NEGR1: variants seen among roughly 807,000 people sequenced by gnomAD.
NEGR1 encodes the protein IgLON family member 4.
A neutral mutation model predicts 40.9 loss-of-function variants in NEGR1; 10 were observed. That is an observed-to-expected ratio of 0.24 (90% CI 0.15 to 0.42). NEGR1 has a LOEUF of 0.42. Ranked by LOEUF, NEGR1 falls within the 10% of genes least tolerant of loss-of-function variation. The probability of loss-of-function intolerance (pLI) is 1.00; values close to 1 mark genes in which losing one functional copy is unlikely to be tolerated. For missense variants in NEGR1, 352 were observed against 438.9 expected, an observed-to-expected ratio of 0.80 and a Z score of 1.77; for synonymous variants, 185 against 166.8, an observed-to-expected ratio of 1.11 and a Z score of -0.84.
At chr1:71,470,220 C>G (rs1362318786) in intron 6 of NEGR1, among the ~76,000 whole-genome samples, 1 of 151,996 alleles carries the variant, frequency 6.6e-6, no homozygotes, top group Non-Finnish European at 1.5e-5. Context: ...AGGCCCAGAC[C>G]CTATCTTTTT....
chr1:71,603,106 ACTTTT>A (rs1458603646), intron 5 of NEGR1, among the ~76,000 whole-genome samples: 1 of 152,254 alleles, frequency 6.6e-6, no homozygotes, highest in South Asian at 2.1e-4. Context: ...CAATTCAAGA[ACTTTT>A]CTTTCCTTTT....
chr1:71,800,840 A>T (rs1418681186), intron 2 of NEGR1, among the ~76,000 whole-genome samples: 1 of 152,200 alleles, frequency 6.6e-6, no homozygotes, highest in Non-Finnish European at 1.5e-5. Flanking sequence ...ATAGTTCTTC[A>T]ATCTTTAAGA....
chr1:72,094,644 A>G (rs930034346), intron 1 of NEGR1, among the ~76,000 whole-genome samples: 5 of 152,118 alleles, frequency 3.3e-5, no homozygotes, highest in African/African-American at 7.2e-5. Context: ...CCACTGTCCT[A>G]TGTTTTGCCT....
At chr1:71,858,382 A>C (rs1659845707) in intron 2 of NEGR1, among the ~76,000 whole-genome samples, 1 of 152,110 alleles carries the variant, frequency 6.6e-6, no homozygotes, top group Non-Finnish European at 1.5e-5. Flanking sequence ...CAGACTGCCT[A>C]CAGAGCAATG....
chr1:71,597,393 C>T (rs528348028), intron 5 of NEGR1, among the ~76,000 whole-genome samples: 7 of 147,816 alleles, frequency 4.7e-5, no homozygotes, highest in Non-Finnish European at 7.4e-5. Context: ...TAATGCCTTT[C>T]TCAAGGATGG....
chr1:71,879,281 T>C (rs1660519571), intron 2 of NEGR1, among the ~76,000 whole-genome samples: 1 of 152,136 alleles, frequency 6.6e-6, no homozygotes, highest in Non-Finnish European at 1.5e-5. Context: ...AAGGACCAAA[T>C]TGAGGATAAA....
intron 4 of NEGR1, among the ~76,000 whole-genome samples, chr1:71,677,448 G>A (rs1038981454): frequency 1.3e-5 from 2 of 152,100 alleles, no homozygotes; most frequent in Non-Finnish European, 2.9e-5. Flanking sequence ...TTGCATGGCT[G>A]CTTTTATTTG....
chr1:72,244,340 T>A (rs1316549899), intron 1 of NEGR1, among the ~76,000 whole-genome samples: 6 of 151,892 alleles, frequency 4.0e-5, no homozygotes, highest in African/African-American at 1.2e-4. Context: ...ATCTTTCCTA[T>A]CTATACAGGA....
intron 4 of NEGR1, among the ~76,000 whole-genome samples, chr1:71,619,646 G>T (rs1034760414): frequency 6.6e-6 from 1 of 152,074 alleles, no homozygotes; most frequent in Non-Finnish European, 1.5e-5. Flanking sequence ...GCAAGGAACA[G>T]ATGTTGGAGA....
rs936267448 is a variant in NEGR1 at position 71,397,188 on chromosome 1, C to A, written c.*10258G>T. 6.6e-6 allele frequency: 1 copy of A among 152,526 alleles called. No individual in the cohort carries two copies. Among genetic ancestry groups the A allele is most frequent in the Non-Finnish European group, 1.5e-5 (1 of 68,358 alleles). 9.4% of individuals were successfully genotyped at this position (152,526 alleles called of 1,614,324 possible). A position where few individuals can be genotyped will look rare whatever the true frequency, so the allele number is the denominator to read the frequency against. ...TATGTTTTAGCAAAGAGATGGGTAG[C>A]ATTTTGCCCTTGCCCTAGAGATGTG... On this transcript the variant is annotated 3_prime_UTR_variant, in exon 7 of 7. Coordinates refer to ENST00000357731, the MANE Select transcript of NEGR1 (RefSeq NM_173808.3).
At chr1:72,036,691 A>C (rs1211433640) in intron 1 of NEGR1, among the ~76,000 whole-genome samples, 1 of 151,698 alleles carries the variant, frequency 6.6e-6, no homozygotes, top group Non-Finnish European at 1.5e-5. Context: ...AATTACACAA[A>C]TGGAAAATTA....
intron 1 of NEGR1, among the ~76,000 whole-genome samples, chr1:72,193,666 T>C (rs1570104683): frequency 6.6e-6 from 1 of 150,744 alleles, no homozygotes; most frequent in Non-Finnish European, 1.5e-5. Context: ...ATATTTTTCA[T>C]ATTATATATT....
intron 6 of NEGR1, among the ~76,000 whole-genome samples, chr1:71,507,035 T>C (rs1484450368): frequency 6.6e-6 from 1 of 152,134 alleles, no homozygotes; most frequent in Non-Finnish European, 1.5e-5. Context: ...CAAAGCAGGG[T>C]CTAATAAATA....
intron 2 of NEGR1, among the ~76,000 whole-genome samples, chr1:71,879,766 AT>A (rs1375097258): frequency 6.6e-6 from 1 of 152,036 alleles, no homozygotes. Flanking sequence ...GGACTGAATA[AT>A]TTTTTTCCTC....
At chr1:71,935,448 C>T (rs1412083423) in intron 1 of NEGR1, 137 bp from the exon 2 acceptor site, 1 of 637,168 alleles carries the variant, frequency 1.6e-6, no homozygotes, top group Non-Finnish European at 2.8e-6. Flanking sequence ...ACTCAGGAAA[C>T]ATGAACATAC....
Position 72,031,471 on chromosome 1 carries a change from G to A in NEGR1, c.177-96160C>T, listed in dbSNP as rs756056733. Among the ~76,000 whole-genome samples, 48 of 152,024 alleles carry A rather than the reference G, an allele frequency of 3.2e-4. 2 individuals carry two copies. The highest frequency in any genetic ancestry group is 1.3e-4 in the Non-Finnish European group (9 of 68,024). On this transcript the variant is annotated intron_variant, in intron 1 of 6. Coordinates refer to ENST00000357731, the MANE Select transcript of NEGR1 (RefSeq NM_173808.3). The stretch of plus-strand genomic sequence containing the variant: ...ATTTCCTATCTTAAACATCATCATC[G>A]TAATTATCTTCTTAAAATTGACCCC...
chr1:71,699,156 T>A (rs1653593080), intron 3 of NEGR1, among the ~76,000 whole-genome samples: 1 of 151,994 alleles, frequency 6.6e-6, no homozygotes, highest in Non-Finnish European at 1.5e-5. Context: ...CCCCTTTCTA[T>A]CTTGTCAAAA....
chr1:72,226,273 C>T (rs1654187626), intron 1 of NEGR1, among the ~76,000 whole-genome samples: 1 of 151,856 alleles, frequency 6.6e-6, no homozygotes, highest in Admixed American at 6.6e-5. Flanking sequence ...TTTAATAACA[C>T]AGGTCTTTTA....
chr1:71,555,407 C>G (rs944110492), intron 6 of NEGR1, among the ~76,000 whole-genome samples: 1 of 151,536 alleles, frequency 6.6e-6, no homozygotes, highest in African/African-American at 2.4e-5. Context: ...AGGGTAATTT[C>G]CTTTCTGAAT....
Sources: gnomAD v4.1 joint callset for allele counts (sites outside exome capture counted in the v4.1 genomes callset) on GRCh38, gnomAD v4.1.1 for gene constraint, MANE v1.5 for transcripts, NCBI Gene and HGNC (gene_info 2026-07-23, HGNC 2026-07-21) for gene names.